The following WT1 variants were observed in gnomAD, a reference collection of about 807,000 sequenced individuals.
WT1 encodes the protein WT1 transcription factor.
In WT1, 8 loss-of-function variants were observed where a neutral mutation model predicts 60.8. That is an observed-to-expected ratio of 0.13 (90% CI 0.08 to 0.24). The LOEUF (loss-of-function observed/expected upper bound fraction) is 0.24, where lower values mean the gene tolerates loss of function less well. Ranked by LOEUF, WT1 falls within the 10% of genes least tolerant of loss-of-function variation. The pLI, the probability that WT1 is intolerant of heterozygous loss-of-function variation, is 1.00. For missense variants in WT1, 568 were observed against 711.8 expected (o/e 0.80, Z 2.30); for synonymous variants, 312 against 297.1 (o/e 1.05, Z -0.52).
At chr11:32,415,753 T>C (rs1852648116) in intron 5 of WT1, among the ~76,000 whole-genome samples, 1 of 152,186 alleles carries the variant, frequency 6.6e-6, no homozygotes, top group African/African-American at 2.4e-5. Context: ...AGCCTTTTCT[T>C]TGTGGTCCAG....
In WT1 at chr11:32,392,033, C is replaced by T. The variant is rs2132914889; in HGVS notation, c.1386G>A (p.Gln462=). 6.2e-7 allele frequency: 1 copy of T among 1,614,008 alleles called. No homozygotes were observed. Among genetic ancestry groups the T allele is most frequent in the Non-Finnish European group, 8.5e-7 (1 of 1,180,002 alleles). The change falls in exon 9 of 10, where the codon CAG becomes CAA. Residue 462 remains glutamine, a synonymous_variant. Coordinates refer to ENST00000452863, the MANE Select transcript of WT1 (RefSeq NM_024426.6). ...GGTGGTCGGACCGGGAGAACTTTCG[C>T]TGACAAGTTTTACACTGGAATGGTT...
intron 1 of WT1, among the ~76,000 whole-genome samples, chr11:32,431,531 G>A (rs2133090447): frequency 6.6e-6 from 1 of 151,366 alleles, no homozygotes; most frequent in South Asian, 2.1e-4. Context: ...CAGCCTCCCG[G>A]GTTCAAACGA....
rs1485992444 is a variant in WT1 at position 32,434,992 on chromosome 11, C to G, written c.369G>C (p.Ser123=). Residue 123 remains serine (S), a synonymous_variant, in exon 1 of 10, where the codon TCG becomes TCC. Transcript: ENST00000452863. Reference sequence around the variant, plus strand: ...CCGGTGGCGGCGCGGGGCCGCCCAACGACCCGTAAGCCGAAGCGCCCGGGG... The same window carrying G: ...CCGGTGGCGGCGCGGGGCCGCCCAAGGACCCGTAAGCCGAAGCGCCCGGGG... 2.7e-6 allele frequency: 4 copies of G among 1,509,320 alleles called. No individual in the cohort carries two copies. The highest frequency in any genetic ancestry group is 3.5e-6 in the Non-Finnish European group (4 of 1,136,948). 93.5% of individuals were successfully genotyped at this position (1,509,320 alleles called of 1,614,324 possible).
intron 5 of WT1, among the ~76,000 whole-genome samples, chr11:32,408,725 A>G (rs942884526): frequency 2.6e-5 from 4 of 152,092 alleles, no homozygotes; most frequent in Non-Finnish European, 5.9e-5. Context: ...CAGAAAACTG[A>G]CCTGCTATTT....
intron 5 of WT1, among the ~76,000 whole-genome samples, chr11:32,406,276 C>A (rs1236217089): frequency 1.3e-5 from 2 of 152,008 alleles, no homozygotes; most frequent in African/African-American, 4.8e-5. Context: ...CACCTCAGAT[C>A]GTCAGGCATT....
chr11:32,406,563 A>G (rs1416605534), intron 5 of WT1, among the ~76,000 whole-genome samples: 1 of 152,130 alleles, frequency 6.6e-6, no homozygotes, highest in Admixed American at 6.5e-5. Context: ...AGAAAGCACA[A>G]GGCTAACTGA....
At position 32,396,422 on chromosome 11, in the gene WT1, T is replaced by A. The variant is rs776971636; in HGVS notation, c.1114-15A>T. 3.7e-6 allele frequency: 6 copies of A among 1,612,504 alleles called. No individual in the cohort carries two copies. The Admixed American group carries it at 6.7e-5, about 18-fold the overall frequency. Reference sequence around the variant, plus strand: ...CGTCGCACATCCTGCAGGCAGAGAGTAAGAGGAAGGGAGGCTTTAAGCCAC... The same window carrying A: ...CGTCGCACATCCTGCAGGCAGAGAGAAAGAGGAAGGGAGGCTTTAAGCCAC... On this transcript the variant is annotated splice_polypyrimidine_tract_variant and intron_variant, in intron 6 of 9. Coordinates refer to ENST00000452863, the MANE Select transcript of WT1 (RefSeq NM_024426.6).
At chr11:32,401,522 C>T (rs575600889) in intron 5 of WT1, among the ~76,000 whole-genome samples, 13 of 151,482 alleles carry the variant, frequency 8.6e-5, no homozygotes, top group East Asian at 1.9e-4. Context: ...GGGTGTGGTC[C>T]GAGAAGGATG....
intron 3 of WT1, among the ~76,000 whole-genome samples, chr11:32,420,108 A>T (rs1590379655): frequency 6.6e-6 from 1 of 152,328 alleles, no homozygotes; most frequent in East Asian, 1.9e-4. Flanking sequence ...AATATGGTAT[A>T]CACTGGCCAC....
chr11:32,425,080 A>G (rs976631879), intron 3 of WT1, among the ~76,000 whole-genome samples: 3 of 151,112 alleles, frequency 2.0e-5, no homozygotes, highest in Non-Finnish European at 4.4e-5. Flanking sequence ...TGGGAGGCTG[A>G]GGCACAAGAA....
Position 32,435,056 on chromosome 11 carries a change from C to G in WT1, c.305G>C (p.Ser102Thr), listed in dbSNP as rs1210117032. ...CACCGGCGCCCACTGCGCCGCGCCG[C>G]TCACAGGCAGGGCACAGCCGCCGCC... is the stretch of plus-strand genomic sequence containing the variant. Residue 102 changes from serine to threonine, a missense_variant, in exon 1 of 10, where the codon AGC (serine) becomes ACC (threonine). Physicochemically the swap from Ser to Thr is moderately conservative, Grantham distance 58 (BLOSUM62 1). Around this residue, in one of 3 missense-constraint regions of WT1, gnomAD observed 523 missense variants for 565.1 expected, o/e 0.93. Coordinates refer to ENST00000452863, the MANE Select transcript of WT1 (RefSeq NM_024426.6). 1 of 1,470,160 alleles carries G rather than the reference C, an allele frequency of 6.8e-7. No homozygotes were observed. The highest frequency in any genetic ancestry group is 8.9e-7 in the Non-Finnish European group (1 of 1,121,844). The allele number at this position is 1,470,160 out of a possible 1,614,324, so 91.1% of individuals were successfully genotyped here. A position where few individuals can be genotyped will look rare whatever the true frequency, so the allele number is the denominator to read the frequency against.
intron 1 of WT1, chr11:32,430,459 A>AGAGAGAGAGAGAGT (rs1853254645): frequency 3.1e-6 from 1 of 322,488 alleles, no homozygotes; most frequent in African/African-American, 2.6e-5. Context: ...AGGGAGGGAG[A>AGAGAGAGAGAGAGT]GAGAGAGAGA....
At chr11:32,423,807 T>A (rs185645149) in intron 3 of WT1, among the ~76,000 whole-genome samples, 6 of 152,208 alleles carry the variant, frequency 3.9e-5, no homozygotes, top group Non-Finnish European at 8.8e-5. Flanking sequence ...GTAAAGTGCT[T>A]ACAGTGGTAC....
intron 5 of WT1, among the ~76,000 whole-genome samples, chr11:32,411,488 C>G (rs192850856): frequency 6.6e-6 from 1 of 152,272 alleles, no homozygotes; most frequent in Admixed American, 6.5e-5. Context: ...CATGCATGGA[C>G]AGGAAAGGGT....
At chr11:32,433,613 G>T (rs1222603180) in intron 1 of WT1, among the ~76,000 whole-genome samples, 1 of 152,216 alleles carries the variant, frequency 6.6e-6, no homozygotes, top group Admixed American at 6.5e-5. Context: ...CTAAATTACC[G>T]AATCAAACCG....
At chr11:32,421,062 G>A (rs1157268006) in intron 3 of WT1, among the ~76,000 whole-genome samples, 3 of 152,212 alleles carry the variant, frequency 2.0e-5, no homozygotes, top group Non-Finnish European at 4.4e-5. Context: ...AGTGGGCCTG[G>A]CTGGCACGGC....
chr11:32,420,195 T>C (rs941363378), intron 3 of WT1, among the ~76,000 whole-genome samples: 17 of 152,234 alleles, frequency 1.1e-4, no homozygotes, highest in Non-Finnish European at 1.2e-4. Flanking sequence ...AAAAATTAAT[T>C]CCACAGCTTC....
chr11:32,400,533 T>C (rs1852123820), intron 5 of WT1: 1 of 273,258 alleles, frequency 3.7e-6, no homozygotes, highest in Non-Finnish European at 7.2e-6. Flanking sequence ...GGGGATTACA[T>C]ATCTGTGGCC....
chr11:32,421,498 T>A (rs76492147), intron 3 of WT1, among the ~76,000 whole-genome samples: 1,762 of 152,302 alleles, frequency 0.012, 24 homozygotes, highest in African/African-American at 0.039. Flanking sequence ...AGATTTTTTT[T>A]AAAGTCACTT....
Sources: allele counts gnomAD v4.1 joint callset (sites outside exome capture counted in the v4.1 genomes callset), GRCh38; gene constraint gnomAD v4.1.1; regional missense constraint gnomAD v4.1.1; transcripts MANE v1.5; gene names NCBI Gene and HGNC (gene_info 2026-07-23, HGNC 2026-07-21).